PSMD13: variants seen among roughly 807,000 people sequenced by gnomAD.
PSMD13 encodes proteasome 26S subunit, non-ATPase 13.
Under a neutral mutation model 57.4 loss-of-function variants are expected in PSMD13, and 8 were observed. The ratio of observed to expected loss-of-function variants is 0.14; its 90% CI spans 0.08 to 0.25. The LOEUF is 0.25. Ranked by LOEUF, PSMD13 falls within the 10% of genes least tolerant of loss-of-function variation. The pLI, the probability that PSMD13 is intolerant of heterozygous loss-of-function variation, is 1.00. For missense variants in PSMD13, 400 were observed against 461.5 expected (o/e 0.87, Z 1.22); for synonymous variants, 193 against 168.2 (o/e 1.15, Z -1.14).
chr11:248,485 GA>G (rs1313118609), intron 7 of PSMD13: 4 of 413,680 alleles, frequency 9.7e-6, no homozygotes, highest in African/African-American at 8.1e-5. Context: ...TGCCATAGCA[GA>G]AAAGAGATTT....
chr11:251,457 T>C lies in PSMD13; in HGVS notation c.838-89T>C, dbSNP rs2133993557. The C allele has an allele frequency of 1.7e-6, 2 of 1,182,490 alleles. No homozygotes were observed. Among genetic ancestry groups the C allele is most frequent in the East Asian group, 5.1e-5 (2 of 39,178 alleles). 73.2% of individuals were successfully genotyped at this position (1,182,490 alleles called of 1,614,324 possible). On this transcript the variant is annotated intron_variant, in intron 10 of 12. Coordinates refer to ENST00000532097, the MANE Select transcript of PSMD13 (RefSeq NM_002817.4). The surrounding 1 kb of genome is among the most constrained non-coding windows in gnomAD (Gnocchi z 4.6). ...GTGGGGTACTAATAAGATCTCTATTTTCAGAGCCAATATTGACAAAACATC... is the reference window on the plus strand; with the variant it reads ...GTGGGGTACTAATAAGATCTCTATTCTCAGAGCCAATATTGACAAAACATC...
At chr11:237,356 G>A (rs562461036) in intron 1 of PSMD13, among the ~76,000 whole-genome samples, 1 of 152,334 alleles carries the variant, frequency 6.6e-6, no homozygotes, top group South Asian at 2.1e-4. Context: ...GACCACGAGG[G>A]CCAAGAGCTG....
At chr11:237,403 T>G (rs929435288) in intron 1 of PSMD13, among the ~76,000 whole-genome samples, 1 of 152,224 alleles carries the variant, frequency 6.6e-6, no homozygotes, top group African/African-American at 2.4e-5. Context: ...CACTGCTTCC[T>G]TAACGGGGGA....
At chr11:245,775 G>T (rs1267289719) in intron 6 of PSMD13, among the ~76,000 whole-genome samples, 1 of 54,788 alleles carries the variant, frequency 1.8e-5, no homozygotes, top group African/African-American at 1.1e-4. Context: ...AATATTGGGG[G>T]TAAGGGTTAA....
intron 1 of PSMD13, among the ~76,000 whole-genome samples, chr11:237,402 C>T (rs981823035): frequency 2.0e-5 from 3 of 152,212 alleles, no homozygotes; most frequent in African/African-American, 7.2e-5. Flanking sequence ...TCACTGCTTC[C>T]TTAACGGGGG....
chr11:245,140 G>A (rs190177246), intron 6 of PSMD13, among the ~76,000 whole-genome samples: 35 of 152,006 alleles, frequency 2.3e-4, no homozygotes, highest in African/African-American at 7.7e-4. Flanking sequence ...ACAGGGTTTC[G>A]CCATGTTGGC....
At chr11:241,171 G>A (rs1049296124) in intron 2 of PSMD13, among the ~76,000 whole-genome samples, 7 of 140,256 alleles carry the variant, frequency 5.0e-5, no homozygotes, top group Non-Finnish European at 7.7e-5. Flanking sequence ...ACAGAGTCTC[G>A]CACTGTCGCC....
intron 9 of PSMD13, among the ~76,000 whole-genome samples, chr11:250,075 A>G (rs508693): frequency 0.091 from 13,804 of 152,230 alleles, 773 homozygotes; most frequent in African/African-American, 0.14. Flanking sequence ...GGCAGCATCT[A>G]TTCAGGCAGC....
At chr11:246,033 C>T (rs891489230) in intron 6 of PSMD13, among the ~76,000 whole-genome samples, 1 of 152,158 alleles carries the variant, frequency 6.6e-6, no homozygotes, top group African/African-American at 2.4e-5. Context: ...CAGGCTCCCT[C>T]TCATGCCCAT....
At chr11:241,972 C>T (rs1324279075) in intron 2 of PSMD13, among the ~76,000 whole-genome samples, 3 of 152,018 alleles carry the variant, frequency 2.0e-5, no homozygotes, top group African/African-American at 7.3e-5. Context: ...AGTGCTTTTG[C>T]ACATGTTTGT....
chr11:250,661 G>T, intron 9 of PSMD13, 142 bp from the exon 10 acceptor site: 1 of 667,434 alleles, frequency 1.5e-6, no homozygotes, highest in South Asian at 1.6e-5. Flanking sequence ...ATGAGCTTCA[G>T]CAGTCTGCAA....
intron 10 of PSMD13, 76 bp downstream of exon 10, chr11:250,941 C>T: frequency 7.6e-7 from 1 of 1,313,398 alleles, no homozygotes; most frequent in South Asian, 1.2e-5. Context: ...CTCTCCAAGC[C>T]TGTGCTGAGC....
rs60869932 is a variant in PSMD13, at chr11:240,101, C to CTTTTTTTTTTTTTTTTTTTTT, written c.174+1032_174+1052dup. 2.3e-4 allele frequency among the ~76,000 whole-genome samples: 12 copies of CTTTTTTTTTTTTTTTTTTTTT among 51,428 alleles called. 3 individuals carry two copies. Among genetic ancestry groups the CTTTTTTTTTTTTTTTTTTTTT allele is most frequent in the East Asian group, 7.5e-4 (1 of 1,326 alleles). 33.7% of individuals were successfully genotyped at this position (51,428 alleles called of 152,430 possible). ...GTGGGAAAATGATAAATGAGACCTG[C>CTTTTTTTTTTTTTTTTTTTTT]TTTTTTTTTTTTTTTTTTTTTTTTT... On this transcript the variant is annotated intron_variant, in intron 2 of 12. Coordinates refer to ENST00000532097, the MANE Select transcript of PSMD13 (RefSeq NM_002817.4).
intron 3 of PSMD13, 21 bp downstream of exon 3, chr11:244,096 T>A (rs374124743): frequency 6.8e-6 from 11 of 1,609,330 alleles, no homozygotes; most frequent in Non-Finnish European, 9.3e-6. Context: ...CTCATCCGTT[T>A]TTCACTTTGA....
intron 9 of PSMD13, among the ~76,000 whole-genome samples, 171 bp downstream of exon 9, chr11:249,228 T>C (rs74044934): frequency 0.015 from 2,245 of 152,240 alleles, 56 homozygotes; most frequent in African/African-American, 0.051. Flanking sequence ...GTTGGTTAGC[T>C]ACAGCATTAC....
At position 250,767 on chromosome 11, in the gene PSMD13, A is replaced by G. The variant is rs775045100; in HGVS notation, c.775-36A>G. 3.8e-6 allele frequency: 6 copies of G among 1,594,400 alleles called. No homozygotes were observed. The East Asian group carries it at 1.3e-4, about 36-fold the overall frequency. On this transcript the variant is annotated intron_variant, in intron 9 of 12. Coordinates refer to ENST00000532097, the MANE Select transcript of PSMD13 (RefSeq NM_002817.4). Reference sequence around the variant, plus strand: ...AGTTAAGTAACTGATAAGCACAAACATGGAAGACATTTTTCTGTCTTTCTA... The same window carrying G: ...AGTTAAGTAACTGATAAGCACAAACGTGGAAGACATTTTTCTGTCTTTCTA...
chr11:251,889 C>T lies in PSMD13; in HGVS notation c.988C>T (p.Arg330Ter). 6.2e-7 allele frequency: 1 copy of T among 1,614,168 alleles called. No individual in the cohort carries two copies. The highest frequency in any genetic ancestry group is 8.5e-7 in the Non-Finnish European group (1 of 1,180,006). Reference protein sequence around the residue: ...VKGSIDEVDKRVHMTWVQPRV... With the variant: ...VKGSIDEVDK ...AGGCAGTATAGACGAGGTGGACAAA[C>T]GAGTCCACATGACCTGGGTGCAGCC... Residue 330 changes from arginine (R) to a stop codon, truncating the protein, a stop_gained, in exon 12 of 13, where the codon CGA (arginine) becomes TGA (stop). Coordinates refer to ENST00000532097, the MANE Select transcript of PSMD13 (RefSeq NM_002817.4). LOFTEE classifies it high-confidence loss of function. The surrounding 1 kb of genome is among the most constrained non-coding windows in gnomAD (Gnocchi z 4.6).
At position 247,459 on chromosome 11, in the gene PSMD13, C is replaced by G; in HGVS notation, c.568+11C>G. On this transcript the variant is annotated intron_variant, in intron 7 of 12. Transcript: ENST00000532097. ...TCAAGGATCTACCAGGTAACCTAGG[C>G]CATTAAATCCATGTCACACAGGAGC... The G allele has an allele frequency of 6.2e-7, 1 of 1,610,146 alleles. No homozygotes were observed. Among genetic ancestry groups the G allele is most frequent in the South Asian group, 1.1e-5 (1 of 90,344 alleles).
In PSMD13 at chr11:252,441, C is replaced by T; in HGVS notation, c.1036-64C>T. On this transcript the variant is annotated intron_variant, in intron 12 of 12. Coordinates refer to ENST00000532097, the MANE Select transcript of PSMD13 (RefSeq NM_002817.4). This position sits in a 1 kb window ranked among gnomAD's most constrained non-coding sequence, Gnocchi z 4.1. Reference sequence around the variant, plus strand: ...TAGAGTCACCCCATCAGGTGCTGTGCCGGCCGCTCGGCCTGTGTCTCCTGC... The same window carrying T: ...TAGAGTCACCCCATCAGGTGCTGTGTCGGCCGCTCGGCCTGTGTCTCCTGC... The T allele has an allele frequency of 6.7e-7, 1 of 1,498,988 alleles. No homozygotes were observed. The highest frequency in any genetic ancestry group is 1.7e-5 in the Admixed American group (1 of 59,640). 92.9% of individuals were successfully genotyped at this position (1,498,988 alleles called of 1,614,324 possible).
Sources: gnomAD v4.1 joint callset for allele counts (sites outside exome capture counted in the v4.1 genomes callset) on GRCh38, gnomAD v4.1.1 for gene constraint, Gnocchi (gnomAD v3.1) non-coding constraint, MANE v1.5 for transcripts, NCBI Gene and HGNC (gene_info 2026-07-23, HGNC 2026-07-21) for gene names.